The following CDYL2 variants were observed in gnomAD, a reference collection of about 807,000 sequenced individuals.
CDYL2 encodes chromodomain Y like 2.
A neutral mutation model predicts 49.4 loss-of-function variants in CDYL2; 23 were observed. The observed-to-expected ratio is 0.47, with a 90% confidence interval of 0.34 to 0.66. The LOEUF (loss-of-function observed/expected upper bound fraction) is 0.66, where lower values mean the gene tolerates loss of function less well. CDYL2 is among the 30% of genes least tolerant of loss of function. The probability of loss-of-function intolerance (pLI) is 0.01; values close to 1 mark genes in which losing one functional copy is unlikely to be tolerated. For missense variants in CDYL2, 678 were observed against 656.4 expected, an observed-to-expected ratio of 1.03 and a Z score of -0.36; for synonymous variants, 360 against 268.8, an observed-to-expected ratio of 1.34 and a Z score of -3.32.
At chr16:80,760,573 G>A (rs868651527) in intron 1 of CDYL2, among the ~76,000 whole-genome samples, 5 of 152,060 alleles carry the variant, frequency 3.3e-5, no homozygotes, top group Non-Finnish European at 7.3e-5. Flanking sequence ...TTGCATGCCT[G>A]CATCAAAACA....
intron 1 of CDYL2, among the ~76,000 whole-genome samples, chr16:80,770,510 CTA>C (rs1173058498): frequency 6.6e-6 from 1 of 152,032 alleles, no homozygotes; most frequent in Non-Finnish European, 1.5e-5. Flanking sequence ...TTCAGATCTG[CTA>C]AAGCCCAGAA....
chr16:80,684,730 T>G lies in CDYL2; in HGVS notation c.424A>C (p.Ser142Arg), dbSNP rs767889120. ...TKTVSYRTTP[S>R]GLQIMPLKKS... ...TTCAGGGGCATTATTTGCAAACCAC[T>G]GGGGGTAGTCCTGTAAGACACCGTC... Residue 142 changes from serine to arginine, a missense_variant, in exon 2 of 7, where the codon AGT becomes CGT. Physicochemically the swap from Ser to Arg is moderately radical, Grantham distance 110 (BLOSUM62 -1). This residue lies in a region of CDYL2 where 478 missense variants were observed against 427.0 expected (regional missense o/e 1.12). Coordinates refer to ENST00000570137, the MANE Select transcript of CDYL2 (RefSeq NM_152342.4). The G allele has an allele frequency of 1.7e-5, 27 of 1,613,994 alleles. No homozygotes were observed. The highest frequency in any genetic ancestry group is 2.1e-5 in the Non-Finnish European group (25 of 1,180,016).
At chr16:80,724,683 G>A (rs982314279) in intron 1 of CDYL2, among the ~76,000 whole-genome samples, 3 of 152,152 alleles carry the variant, frequency 2.0e-5, no homozygotes, top group Non-Finnish European at 2.9e-5. Context: ...CTAGGCCCAT[G>A]ATACAACATA....
At chr16:80,786,187 T>C (rs1055043411) in intron 1 of CDYL2, among the ~76,000 whole-genome samples, 3 of 152,162 alleles carry the variant, frequency 2.0e-5, no homozygotes, top group Non-Finnish European at 4.4e-5. Flanking sequence ...ACCTACACAA[T>C]GGGAGAAAAT....
chr16:80,617,219 T>C (rs977378753), intron 4 of CDYL2, among the ~76,000 whole-genome samples: 2 of 152,170 alleles, frequency 1.3e-5, no homozygotes, highest in Non-Finnish European at 2.9e-5. Context: ...GTATGCAAGT[T>C]TTCTTTAGGC....
At chr16:80,694,032 C>T (rs183715153) in intron 1 of CDYL2, among the ~76,000 whole-genome samples, 1 of 152,328 alleles carries the variant, frequency 6.6e-6, no homozygotes. Flanking sequence ...TCTAGTTCAG[C>T]AGTCCCCAAC....
intron 2 of CDYL2, among the ~76,000 whole-genome samples, chr16:80,636,234 T>A (rs12445408): frequency 0.028 from 4,217 of 152,272 alleles, 91 homozygotes; most frequent in Non-Finnish European, 0.041. Context: ...AAAGAGCTTC[T>A]GTACAGCAAA....
intron 1 of CDYL2, among the ~76,000 whole-genome samples, chr16:80,742,922 G>C (rs1244254265): frequency 6.7e-6 from 1 of 149,688 alleles, no homozygotes; most frequent in Non-Finnish European, 1.5e-5. Context: ...TGGATGGATG[G>C]ATGAATAAAT....
chr16:80,609,982 C>T (rs943334773), intron 5 of CDYL2, among the ~76,000 whole-genome samples: 5 of 152,042 alleles, frequency 3.3e-5, no homozygotes, highest in Admixed American at 2.0e-4. Flanking sequence ...CAGGAGGCAT[C>T]ATGACAGCAC....
chr16:80,645,478 G>C (rs1206297636), intron 2 of CDYL2, among the ~76,000 whole-genome samples: 1 of 152,062 alleles, frequency 6.6e-6, no homozygotes, highest in South Asian at 2.1e-4. Context: ...TAAAAAGTCA[G>C]GAAACAACAG....
chr16:80,691,894 G>C (rs1910430537), intron 1 of CDYL2, among the ~76,000 whole-genome samples: 1 of 152,138 alleles, frequency 6.6e-6, no homozygotes, highest in Admixed American at 6.5e-5. Flanking sequence ...GAAAACGCAA[G>C]CAAGGGAATA....
At chr16:80,776,659 T>C (rs142514191) in intron 1 of CDYL2, among the ~76,000 whole-genome samples, 4 of 151,070 alleles carry the variant, frequency 2.6e-5, no homozygotes, top group Non-Finnish European at 4.4e-5. Flanking sequence ...TTGTATATTC[T>C]TATAATGATA....
intron 2 of CDYL2, among the ~76,000 whole-genome samples, chr16:80,655,645 A>G (rs1225114928): frequency 6.6e-6 from 1 of 152,120 alleles, no homozygotes; most frequent in Non-Finnish European, 1.5e-5. Flanking sequence ...AGACCCTCCT[A>G]CCCTCTGCCA....
intron 1 of CDYL2, among the ~76,000 whole-genome samples, chr16:80,758,234 C>T (rs1399953507): frequency 6.6e-6 from 1 of 151,994 alleles, no homozygotes; most frequent in Non-Finnish European, 1.5e-5. Context: ...AAGAACTTAG[C>T]TAAGACATTT....
At chr16:80,771,028 G>A (rs978263585) in intron 1 of CDYL2, among the ~76,000 whole-genome samples, 2 of 152,162 alleles carry the variant, frequency 1.3e-5, no homozygotes, top group Non-Finnish European at 2.9e-5. Context: ...AGGAGTAAGG[G>A]TAAATGGTAA....
intron 2 of CDYL2, among the ~76,000 whole-genome samples, chr16:80,650,489 G>A (rs1164688983): frequency 6.6e-6 from 1 of 152,132 alleles, no homozygotes; most frequent in Non-Finnish European, 1.5e-5. Flanking sequence ...AGAGGATGTG[G>A]AGAAAAGGGA....
At chr16:80,803,801 CTCG>C (rs892178473) in intron 1 of CDYL2, among the ~76,000 whole-genome samples, 1 of 145,544 alleles carries the variant, frequency 6.9e-6, no homozygotes, top group Non-Finnish European at 1.5e-5. Context: ...CTCGAGGCGG[CTCG>C]TCGGGCGAGA....
At chr16:80,675,944 G>C (rs1277590827) in intron 2 of CDYL2, among the ~76,000 whole-genome samples, 2 of 152,160 alleles carry the variant, frequency 1.3e-5, no homozygotes, top group African/African-American at 4.8e-5. Flanking sequence ...GAGCAGGTAG[G>C]AAAAGCAATT....
intron 1 of CDYL2, among the ~76,000 whole-genome samples, chr16:80,707,073 C>A (rs1364229116): frequency 5.3e-5 from 8 of 152,202 alleles, no homozygotes; most frequent in Admixed American, 1.3e-4. Flanking sequence ...ATCCAACTCC[C>A]TGCACCCAGA....
Sources: allele counts gnomAD v4.1 joint callset (sites outside exome capture counted in the v4.1 genomes callset), GRCh38; gene constraint gnomAD v4.1.1; regional missense constraint gnomAD v4.1.1; transcripts MANE v1.5; gene names NCBI Gene and HGNC (gene_info 2026-07-23, HGNC 2026-07-21).